NUDT3: variants seen among roughly 807,000 people sequenced by gnomAD.
NUDT3 encodes nudix hydrolase 3.
In NUDT3, 9 loss-of-function variants were observed where a neutral mutation model predicts 23.6. The observed-to-expected ratio is 0.38, with a 90% CI of 0.23 to 0.66. The LOEUF is 0.66. NUDT3 is among the 30% of genes least tolerant of loss of function. The pLI, the probability that NUDT3 is intolerant of heterozygous loss-of-function variation, is 0.52. For missense variants in NUDT3, 172 were observed against 218.5 expected (o/e 0.79, Z 1.34); for synonymous variants, 86 against 82.6 (o/e 1.04, Z -0.22).
At chr6:34,326,662 G>A (rs1994923) in intron 2 of NUDT3, among the ~76,000 whole-genome samples, 14,423 of 151,196 alleles carry the variant, frequency 0.095, 807 homozygotes, top group Non-Finnish European at 0.12. Context: ...GTGCAGTGGC[G>A]TGATCTCAGC....
At chr6:34,293,924 G>C (rs989611584) in intron 3 of NUDT3, among the ~76,000 whole-genome samples, 3 of 152,036 alleles carry the variant, frequency 2.0e-5, no homozygotes, top group East Asian at 3.9e-4. Context: ...AACAAGCTGA[G>C]TGTGACACAC....
chr6:34,289,197 C>A (rs1389651214), intron 4 of NUDT3, among the ~76,000 whole-genome samples: 2 of 152,194 alleles, frequency 1.3e-5, no homozygotes, highest in Non-Finnish European at 2.9e-5. Flanking sequence ...TCCTCCTGCC[C>A]TCCTGCGTCT....
In NUDT3 at chr6:34,283,691, G is replaced by C. The variant is rs1250191006; in HGVS notation, c.*5062C>G. On this transcript the variant is annotated 3_prime_UTR_variant, in exon 5 of 5. Coordinates refer to ENST00000607016, the MANE Select transcript of NUDT3 (RefSeq NM_006703.4). The stretch of plus-strand genomic sequence containing the variant: ...ATGTGAAACCGCCCTTTTAGAGGCA[G>C]GGTTTGTGAAAGGCTGCTGGCCTCC... The C allele has an allele frequency of 1.3e-5, 2 of 152,232 alleles. No individual in the cohort carries two copies. The highest frequency in any genetic ancestry group is 6.5e-5 in the Admixed American group (1 of 15,286). 9.4% of individuals were successfully genotyped at this position (152,232 alleles called of 1,614,324 possible). A position where few individuals can be genotyped will look rare whatever the true frequency, so the allele number is the denominator to read the frequency against.
At chr6:34,317,135 A>G (rs1017163518) in intron 2 of NUDT3, among the ~76,000 whole-genome samples, 1 of 152,202 alleles carries the variant, frequency 6.6e-6, no homozygotes, top group Non-Finnish European at 1.5e-5. Flanking sequence ...TAAGTAACTT[A>G]AAGGATGGAC....
chr6:34,291,431 C>T (rs1232772837), intron 4 of NUDT3, among the ~76,000 whole-genome samples: 2 of 152,122 alleles, frequency 1.3e-5, no homozygotes, highest in African/African-American at 4.8e-5. Flanking sequence ...CGACACTGAT[C>T]CCCAGTCCTG....
intron 2 of NUDT3, among the ~76,000 whole-genome samples, chr6:34,336,179 G>A (rs1368900995): frequency 6.6e-6 from 1 of 152,074 alleles, no homozygotes; most frequent in African/African-American, 2.4e-5. Flanking sequence ...TGAGGCAGGA[G>A]AATCGCTTGA....
intron 1 of NUDT3, among the ~76,000 whole-genome samples, chr6:34,348,323 C>CAA (rs777537795): frequency 7.5e-5 from 11 of 146,870 alleles, no homozygotes; most frequent in East Asian, 3.9e-4. Flanking sequence ...CGCCCCCCAC[C>CAA]AAAAAAAAAA....
intron 3 of NUDT3, among the ~76,000 whole-genome samples, chr6:34,295,029 T>G (rs752229463): frequency 2.2e-4 from 33 of 152,188 alleles, no homozygotes; most frequent in Non-Finnish European, 4.1e-4. Flanking sequence ...TTATAGTTAC[T>G]TATCTTCTAT....
At chr6:34,351,212 A>AAAAAAAAAAAAAAAAC in intron 1 of NUDT3, among the ~76,000 whole-genome samples, 1 of 134,548 alleles carries the variant, frequency 7.4e-6, no homozygotes, top group Non-Finnish European at 1.6e-5. Context: ...AAAAAAAAAA[A>AAAAAAAAAAAAAAAAC]AAAAAAAAAA....
intron 2 of NUDT3, among the ~76,000 whole-genome samples, chr6:34,298,536 T>C (rs1468007454): frequency 6.6e-6 from 1 of 151,720 alleles, no homozygotes; most frequent in African/African-American, 2.4e-5. Flanking sequence ...AATCAAATTA[T>C]GCTGCCATTT....
intron 1 of NUDT3, among the ~76,000 whole-genome samples, chr6:34,391,153 C>G (rs1469127135): frequency 6.6e-6 from 1 of 152,232 alleles, no homozygotes; most frequent in African/African-American, 2.4e-5. Context: ...GGCAATCCAT[C>G]TGTCTCTTTC....
At chr6:34,366,401 A>T (rs1764730467) in intron 1 of NUDT3, among the ~76,000 whole-genome samples, 1 of 148,228 alleles carries the variant, frequency 6.7e-6, no homozygotes, top group South Asian at 2.2e-4. Flanking sequence ...GAGAGAAAGA[A>T]AGGAAAAGGA....
At chr6:34,347,569 G>C (rs1764393706) in intron 1 of NUDT3, among the ~76,000 whole-genome samples, 1 of 152,190 alleles carries the variant, frequency 6.6e-6, no homozygotes, top group Non-Finnish European at 1.5e-5. Flanking sequence ...TTATTGATTA[G>C]TGACATGTGT....
intron 1 of NUDT3, among the ~76,000 whole-genome samples, chr6:34,347,960 C>G (rs1024504443): frequency 6.6e-6 from 1 of 150,874 alleles, no homozygotes; most frequent in Non-Finnish European, 1.5e-5. Flanking sequence ...CATACTGAAA[C>G]CCCCATGTCT....
chr6:34,353,568 AT>A (rs1764512207), intron 1 of NUDT3, among the ~76,000 whole-genome samples: 1 of 151,768 alleles, frequency 6.6e-6, no homozygotes, highest in African/African-American at 2.4e-5. Flanking sequence ...CATCCAGCTA[AT>A]TTTTCTATTT....
rs567865705 is a variant in NUDT3 at position 34,374,931 on chromosome 6, A to G, written c.99+17333T>C. 6.6e-5 allele frequency among the ~76,000 whole-genome samples: 10 copies of G among 152,274 alleles called. No homozygotes were observed. In the East Asian group the frequency reaches 1.7e-3, roughly 26 times the overall value. On this transcript the variant is annotated intron_variant, in intron 1 of 4. Transcript: ENST00000607016. ...TAACATGCTCTTGAATCAGTCCCCAATCTTGGGACATCTCTACCGTTCTCT... is the reference window on the plus strand; with the variant it reads ...TAACATGCTCTTGAATCAGTCCCCAGTCTTGGGACATCTCTACCGTTCTCT...
At chr6:34,360,804 A>G (rs912537960) in intron 1 of NUDT3, among the ~76,000 whole-genome samples, 2 of 152,188 alleles carry the variant, frequency 1.3e-5, no homozygotes, top group African/African-American at 4.8e-5. Context: ...GAAAAAAAAT[A>G]TTTTCACAAG....
intron 1 of NUDT3, among the ~76,000 whole-genome samples, chr6:34,364,805 G>A (rs541972045): frequency 6.6e-5 from 10 of 152,030 alleles, no homozygotes; most frequent in South Asian, 4.1e-4. Context: ...AGGCTGAGGC[G>A]GGCGGATCAC....
chr6:34,342,001 G>A (rs767213594), intron 1 of NUDT3, 29 bp from the exon 2 acceptor site: 11 of 1,594,402 alleles, frequency 6.9e-6, no homozygotes, highest in Non-Finnish European at 6.8e-6. Context: ...TGCATGGGGG[G>A]GTTAAAAATT....
Sources: allele counts gnomAD v4.1 joint callset (sites outside exome capture counted in the v4.1 genomes callset), GRCh38; gene constraint gnomAD v4.1.1; transcripts MANE v1.5; gene names NCBI Gene and HGNC (gene_info 2026-07-23, HGNC 2026-07-21).